Variants in PLCE1 observed in about 807,000 individuals in gnomAD.
The protein encoded by PLCE1 is phospholipase C epsilon 1, also known as 1-phosphatidylinositol 4,5-bisphosphate phosphodiesterase epsilon-1.
Under a neutral mutation model 242.8 loss-of-function variants are expected in PLCE1, and 119 were observed. That is an observed-to-expected ratio of 0.49 (90% CI 0.42 to 0.57). The LOEUF (loss-of-function observed/expected upper bound fraction) is 0.57, where lower values mean the gene tolerates loss of function less well. PLCE1 is among the 20% of genes least tolerant of loss of function. The pLI, the probability that PLCE1 is intolerant of heterozygous loss-of-function variation, is 0.00. For synonymous variants in PLCE1, 945 were observed against 1,017.4 expected (o/e 0.93, Z 1.35); for missense variants, 2,441 against 2,788.8 (o/e 0.88, Z 2.81).
intron 3 of PLCE1, among the ~76,000 whole-genome samples, chr10:94,158,854 CTTTTTTTTTTT>C (rs35760715): frequency 9.0e-6 from 1 of 111,536 alleles, no homozygotes; most frequent in Non-Finnish European, 1.8e-5. Context: ...TCTTCTTTTT[CTTTTTTTTTTT>C]TTTTTTTTGA....
At chr10:94,076,057 A>G (rs146039336) in intron 2 of PLCE1, among the ~76,000 whole-genome samples, 7 of 152,202 alleles carry the variant, frequency 4.6e-5, no homozygotes, top group Admixed American at 6.5e-5. Context: ...ATCCTAGTCA[A>G]TGGAAAAGTC....
At chr10:94,085,305 C>A (rs2044775569) in intron 2 of PLCE1, among the ~76,000 whole-genome samples, 1 of 152,016 alleles carries the variant, frequency 6.6e-6, no homozygotes, top group South Asian at 2.1e-4. Flanking sequence ...AATTAGTAAG[C>A]TAACCAAAGT....
At chr10:94,266,244 A>C (rs1293148933) in intron 16 of PLCE1, among the ~76,000 whole-genome samples, 1 of 152,278 alleles carries the variant, frequency 6.6e-6, no homozygotes, top group East Asian at 1.9e-4. Context: ...AGTTAGTCTG[A>C]CCTACTCCCA....
chr10:94,316,345 T>G (rs2053571818), intron 28 of PLCE1, among the ~76,000 whole-genome samples: 1 of 152,232 alleles, frequency 6.6e-6, no homozygotes, highest in African/African-American at 2.4e-5. Context: ...GGATTATGAA[T>G]AAGTTGTGCC....
intron 4 of PLCE1, among the ~76,000 whole-genome samples, chr10:94,219,109 C>G (rs1463010411): frequency 1.3e-5 from 2 of 151,740 alleles, no homozygotes; most frequent in East Asian, 3.9e-4. Context: ...AGATGCCAAG[C>G]TATCAATGGG....
chr10:94,118,632 T>G (rs12269041), intron 2 of PLCE1, among the ~76,000 whole-genome samples: 1 of 152,240 alleles, frequency 6.6e-6, no homozygotes, highest in African/African-American at 2.4e-5. Context: ...CCATATAAGA[T>G]GTGACTTGCT....
intron 7 of PLCE1, among the ~76,000 whole-genome samples, chr10:94,245,502 T>C (rs1017488025): frequency 2.2e-5 from 3 of 138,572 alleles, no homozygotes; most frequent in African/African-American, 7.9e-5. Flanking sequence ...AAAAAGTTAC[T>C]CAAAATTTTT....
rs773286543 is a variant in PLCE1, at chr10:94,236,131, C to T, written c.2420+11C>T. On this transcript the variant is annotated intron_variant, in intron 7 of 32. Transcript: ENST00000371380. ...TAAAAGCCGATGGCAGTAAGTTTTACACGTTAAAAGTGAGGAATGCTCATC... is the reference window on the plus strand; with the variant it reads ...TAAAAGCCGATGGCAGTAAGTTTTATACGTTAAAAGTGAGGAATGCTCATC... The T allele has an allele frequency of 1.2e-6, 2 of 1,608,730 alleles. No individual in the cohort carries two copies. The highest frequency in any genetic ancestry group is 1.7e-6 in the Non-Finnish European group (2 of 1,175,708).
At chr10:94,020,441 C>T (rs759994398) in intron 1 of PLCE1, among the ~76,000 whole-genome samples, 18 of 152,030 alleles carry the variant, frequency 1.2e-4, no homozygotes, top group Non-Finnish European at 2.6e-4. Flanking sequence ...TTTTATCATT[C>T]TGTGGCTTGT....
chr10:94,279,881 T>C lies in PLCE1; in HGVS notation c.4765T>C (p.Tyr1589His). Residue 1589 changes from tyrosine to histidine, a missense_variant, in exon 20 of 33, where the codon TAT becomes CAT. By Grantham distance (83) the Tyr-to-His change is moderately conservative. This residue lies in a region of PLCE1 where 1,004 missense variants were observed against 1,322.7 expected (regional missense o/e 0.76). Coordinates refer to ENST00000371380, the MANE Select transcript of PLCE1 (RefSeq NM_016341.4). ...GGAAGAGGAAGATGAGGAGGACGAATATGATTATGACTATGAATCCCTTTC... is the reference window on the plus strand; with the variant it reads ...GGAAGAGGAAGATGAGGAGGACGAACATGATTATGACTATGAATCCCTTTC... ...NEEEEDEEDE[Y>H]DYDYESLSDD... The C allele has an allele frequency of 6.2e-7, 1 of 1,613,718 alleles. No homozygotes were observed. The highest frequency in any genetic ancestry group is 8.5e-7 in the Non-Finnish European group (1 of 1,179,712).
chr10:93,996,255 CT>C (rs1239918439), intron 1 of PLCE1, among the ~76,000 whole-genome samples: 3 of 152,234 alleles, frequency 2.0e-5, no homozygotes, highest in Admixed American at 6.5e-5. Context: ...TAAAACAGAG[CT>C]TCTGGGTTCA....
rs533595233 is a variant in PLCE1 at position 94,030,696 on chromosome 10, T to G, written c.-351T>G. On this transcript the variant is annotated 5_prime_UTR_variant, in exon 2 of 33. Transcript: ENST00000371380. ...CTTTTCTTACAGGAAACAGGAATCA[T>G]TCAAACTGGATTTTAAAATCATTGC... 2.5e-4 allele frequency: 71 copies of G among 280,588 alleles called. No individual in the cohort carries two copies. The highest frequency in any genetic ancestry group is 4.0e-4 in the Non-Finnish European group (59 of 148,096). 17.4% of individuals were successfully genotyped at this position (280,588 alleles called of 1,614,324 possible). A position where few individuals can be genotyped will look rare whatever the true frequency, so the allele number is the denominator to read the frequency against.
chr10:94,112,393 T>G (rs1367328270), intron 2 of PLCE1, among the ~76,000 whole-genome samples: 1 of 152,240 alleles, frequency 6.6e-6, no homozygotes, highest in Non-Finnish European at 1.5e-5. Flanking sequence ...TAATGTTGGC[T>G]ATAAAGAAAA....
intron 3 of PLCE1, among the ~76,000 whole-genome samples, chr10:94,161,281 C>T (rs2047604865): frequency 6.6e-6 from 1 of 152,160 alleles, no homozygotes. Context: ...TTGATTCTTC[C>T]TATCCATGAG....
intron 4 of PLCE1, among the ~76,000 whole-genome samples, chr10:94,196,977 C>G (rs1385009508): frequency 6.6e-6 from 1 of 152,158 alleles, no homozygotes; most frequent in East Asian, 1.9e-4. Context: ...CACATACCCA[C>G]TAGCAGTCAC....
intron 2 of PLCE1, among the ~76,000 whole-genome samples, chr10:94,074,442 C>A (rs1047625022): frequency 6.6e-6 from 1 of 152,088 alleles, no homozygotes; most frequent in African/African-American, 2.4e-5. Flanking sequence ...TGAGCTCAAG[C>A]TATCCTCCAA....
At chr10:94,062,550 C>G (rs1235567764) in intron 2 of PLCE1, among the ~76,000 whole-genome samples, 1 of 150,368 alleles carries the variant, frequency 6.7e-6, no homozygotes, top group Non-Finnish European at 1.5e-5. Context: ...ATTAAACACT[C>G]AATAAGTGTT....
At chr10:94,280,272 A>G (rs1564856802) in intron 20 of PLCE1, 1 of 331,712 alleles carries the variant, frequency 3.0e-6, no homozygotes, top group Non-Finnish European at 5.8e-6. Flanking sequence ...CTCCTGCACC[A>G]CCGGCAGGGG....
Position 94,316,743 on chromosome 10 carries a change from A to G in PLCE1, c.6329A>G (p.Lys2110Arg). ...EEGYMGRIVL[K>R]TQQENLEEKN... ...GGATACATGGGCAGGATTGTCTTAA[A>G]AACCCAGCAGGAAGTAAGTGTGTCT... is the stretch of plus-strand genomic sequence containing the variant. The change falls in exon 29 of 33, where the codon AAA becomes AGA. Residue 2110 changes from lysine to arginine, a missense_variant. Lys to Arg is a conservative substitution (Grantham distance 26). This residue lies in a region of PLCE1 where 310 missense variants were observed against 317.2 expected (regional missense o/e 0.98). Transcript: ENST00000371380. 1 of 1,613,460 alleles carries G rather than the reference A, an allele frequency of 6.2e-7. No individual in the cohort carries two copies. The highest frequency in any genetic ancestry group is 8.5e-7 in the Non-Finnish European group (1 of 1,179,390).
Sources: gnomAD v4.1 joint callset for allele counts (sites outside exome capture counted in the v4.1 genomes callset) on GRCh38, gnomAD v4.1.1 for gene constraint, gnomAD v4.1.1 regional missense constraint, MANE v1.5 for transcripts, NCBI Gene and HGNC (gene_info 2026-07-23, HGNC 2026-07-21) for gene names.